Variants in RASGRF2 observed in about 807,000 individuals in gnomAD.
RASGRF2 encodes Ras protein specific guanine nucleotide releasing factor 2.
A neutral mutation model predicts 151.0 loss-of-function variants in RASGRF2; 76 were observed. That is an observed-to-expected ratio of 0.50 (90% CI 0.42 to 0.61). The LOEUF is 0.61. Among genes scored for constraint, RASGRF2 ranks in the 20% least tolerant of loss-of-function variants. The pLI, the probability that RASGRF2 is intolerant of heterozygous loss-of-function variation, is 0.00. For missense variants in RASGRF2, 1,148 were observed against 1,564.6 expected, an observed-to-expected ratio of 0.73 and a Z score of 4.49; for synonymous variants, 504 against 566.5, an observed-to-expected ratio of 0.89 and a Z score of 1.57.
intron 17 of RASGRF2, among the ~76,000 whole-genome samples, chr5:81,149,550 C>T (rs1202815253): frequency 2.0e-5 from 3 of 151,694 alleles, no homozygotes; most frequent in African/African-American, 7.3e-5. Context: ...GATGGGGGCA[C>T]CAAAGTCTCA....
chr5:81,091,869 G>A (rs1013266763), intron 9 of RASGRF2, among the ~76,000 whole-genome samples: 6 of 152,142 alleles, frequency 3.9e-5, no homozygotes, highest in Admixed American at 3.9e-4. Context: ...TCTTCTGAGG[G>A]TAATATGAGC....
At chr5:80,964,441 C>T (rs1201323697) in intron 1 of RASGRF2, among the ~76,000 whole-genome samples, 2 of 152,080 alleles carry the variant, frequency 1.3e-5, no homozygotes, top group African/African-American at 4.8e-5. Context: ...GTTATCCTCT[C>T]TTACCTCATC....
At chr5:81,070,708 C>T in intron 4 of RASGRF2, 127 bp downstream of exon 4, 1 of 718,804 alleles carries the variant, frequency 1.4e-6, no homozygotes, top group Non-Finnish European at 2.3e-6. Flanking sequence ...GGCTCCCAGA[C>T]TTGCCCTGCA....
chr5:81,062,008 A>C (rs911448247), intron 2 of RASGRF2, among the ~76,000 whole-genome samples: 2 of 143,434 alleles, frequency 1.4e-5, no homozygotes, highest in African/African-American at 5.4e-5. Context: ...AAAAAAAAAA[A>C]AAAAAAAAAA....
intron 17 of RASGRF2, among the ~76,000 whole-genome samples, chr5:81,136,360 C>T (rs1244930969): frequency 6.6e-6 from 1 of 152,140 alleles, no homozygotes; most frequent in Non-Finnish European, 1.5e-5. Context: ...TTTTATTTGC[C>T]TGAGAAAGTC....
At chr5:81,150,888 T>A (rs62367278) in intron 17 of RASGRF2, among the ~76,000 whole-genome samples, 18 of 152,140 alleles carry the variant, frequency 1.2e-4, no homozygotes, top group African/African-American at 3.4e-4. Flanking sequence ...GACAGATCAC[T>A]GGAAAGAGAA....
chr5:80,999,005 C>T (rs568663729), intron 1 of RASGRF2, among the ~76,000 whole-genome samples: 1 of 152,296 alleles, frequency 6.6e-6, no homozygotes, highest in East Asian at 1.9e-4. Flanking sequence ...GACAGTTCCA[C>T]TTTTGCTAGC....
rs1369705236 is a variant in RASGRF2 at position 81,124,889 on chromosome 5, C to CT, written c.2596+1132dup. Among the ~76,000 whole-genome samples the CT allele has an allele frequency of 2.1e-3, 307 of 146,450 alleles. 2 individuals are homozygous for CT. The highest frequency in any genetic ancestry group is 5.8e-3 in the African/African-American group (229 of 39,592). ...ACCCCAAGTAACCCAAATGAAAAGG[C>CT]TTTTTTTTTTGGTTTGGAGACAGAG... On this transcript the variant is annotated intron_variant, in intron 16 of 26. Coordinates refer to ENST00000265080, the MANE Select transcript of RASGRF2 (RefSeq NM_006909.3).
intron 1 of RASGRF2, among the ~76,000 whole-genome samples, chr5:81,033,703 A>C (rs1474562278): frequency 6.6e-6 from 1 of 152,212 alleles, no homozygotes; most frequent in Non-Finnish European, 1.5e-5. Flanking sequence ...CCCTAGAAGA[A>C]AACCTAGGCA....
In RASGRF2 at chr5:80,960,498, G is replaced by C. The variant is rs1747507312; in HGVS notation, c.-241G>C. ...GTTGGGGGCTTGGGGGGCTCCGGGG[G>C]CTCGGCCGGGAGGGTGGTGGTTAGG... On this transcript the variant is annotated 5_prime_UTR_variant, in exon 1 of 27. Transcript: ENST00000265080. The surrounding 1 kb of genome is among the most constrained non-coding windows in gnomAD (Gnocchi z 5.5). 6.6e-6 allele frequency among the ~76,000 whole-genome samples: 1 copy of C among 150,806 alleles called. No individual in the cohort carries two copies.
chr5:80,969,909 C>T (rs1481245286), intron 1 of RASGRF2, among the ~76,000 whole-genome samples: 2 of 145,578 alleles, frequency 1.4e-5, no homozygotes, highest in South Asian at 2.2e-4. Flanking sequence ...TCACTGCAAC[C>T]TCCGCGACCT....
chr5:81,187,097 C>G (rs1755042007), intron 18 of RASGRF2, among the ~76,000 whole-genome samples: 1 of 152,188 alleles, frequency 6.6e-6, no homozygotes, highest in Non-Finnish European at 1.5e-5. Flanking sequence ...CAAACCCAGA[C>G]CTTCAAGCAG....
intron 2 of RASGRF2, among the ~76,000 whole-genome samples, chr5:81,067,469 AT>A (rs1751640976): frequency 6.6e-6 from 1 of 152,240 alleles, no homozygotes; most frequent in African/African-American, 2.4e-5. Context: ...TATAATTTCT[AT>A]TTCTGTTGGC....
chr5:81,209,874 C>T (rs1174362314), intron 22 of RASGRF2, among the ~76,000 whole-genome samples: 1 of 152,198 alleles, frequency 6.6e-6, no homozygotes, highest in African/African-American at 2.4e-5. Flanking sequence ...TCTCTGTTCT[C>T]AGTCTTGGGT....
In RASGRF2 at chr5:81,219,698, T is replaced by A. The variant is rs765375341; in HGVS notation, c.3553-12T>A. 1 of 1,602,938 alleles carries A rather than the reference T, an allele frequency of 6.2e-7. No homozygotes were observed. Among genetic ancestry groups the A allele is most frequent in the Admixed American group, 1.7e-5 (1 of 59,872 alleles). ...TGTTGTTGTCATTTTGTTTTGTTTT[T>A]TTCTCTGTTAGATATCACACATCAT... On this transcript the variant is annotated splice_polypyrimidine_tract_variant and intron_variant, in intron 25 of 26. Coordinates refer to ENST00000265080, the MANE Select transcript of RASGRF2 (RefSeq NM_006909.3).
intron 1 of RASGRF2, among the ~76,000 whole-genome samples, chr5:80,975,283 T>C (rs1213085015): frequency 6.6e-6 from 1 of 152,098 alleles, no homozygotes; most frequent in Non-Finnish European, 1.5e-5. Flanking sequence ...GTCTTGGCTG[T>C]CTTGTTTGCT....
chr5:81,192,080 A>G (rs996863844), intron 18 of RASGRF2, among the ~76,000 whole-genome samples: 17 of 152,164 alleles, frequency 1.1e-4, no homozygotes, highest in African/African-American at 4.1e-4. Flanking sequence ...CACTTGTCTC[A>G]AAGTCAAGTA....
chr5:81,141,438 A>G (rs1454485241), intron 17 of RASGRF2, among the ~76,000 whole-genome samples: 2 of 152,070 alleles, frequency 1.3e-5, no homozygotes, highest in Admixed American at 6.5e-5. Context: ...ATCTCACGTT[A>G]TAGATTCTGA....
chr5:81,073,568 G>A, intron 5 of RASGRF2, 116 bp downstream of exon 5: 1 of 1,078,638 alleles, frequency 9.3e-7, no homozygotes, highest in East Asian at 2.8e-5. Context: ...GTTTATGATA[G>A]TAAAAATAAG....
Sources: gnomAD v4.1 joint callset for allele counts (sites outside exome capture counted in the v4.1 genomes callset) on GRCh38, gnomAD v4.1.1 for gene constraint, Gnocchi (gnomAD v3.1) non-coding constraint, MANE v1.5 for transcripts, NCBI Gene and HGNC (gene_info 2026-07-23, HGNC 2026-07-21) for gene names.